The following COL13A1 variants were observed in gnomAD, a reference collection of about 807,000 sequenced individuals.
The protein encoded by COL13A1 is collagen alpha-1(XIII) chain.
COL13A1 carries 89 observed loss-of-function variants against 130.9 expected under a neutral mutation model. That is an observed-to-expected ratio of 0.68 (90% confidence interval 0.57 to 0.81). COL13A1 has a LOEUF of 0.81. Ranked by LOEUF, COL13A1 falls within the 30% of genes least tolerant of loss-of-function variation. The probability of loss-of-function intolerance (pLI) is 0.00; values close to 1 mark genes in which losing one functional copy is unlikely to be tolerated. For synonymous variants in COL13A1, 402 were observed against 341.6 expected, an observed-to-expected ratio of 1.18 and a Z score of -1.95; for missense variants, 879 against 934.6, an observed-to-expected ratio of 0.94 and a Z score of 0.78.
At chr10:69,931,921 C>G (rs2637230) in intron 30 of COL13A1, among the ~76,000 whole-genome samples, 82,966 of 151,988 alleles carry the variant, frequency 0.55, 22,745 homozygotes, top group Admixed American at 0.57. Flanking sequence ...TCTCAGCCAA[C>G]TGTATTCTCA....
At chr10:69,859,900 T>C (rs1033758576) in intron 2 of COL13A1, among the ~76,000 whole-genome samples, 2 of 152,236 alleles carry the variant, frequency 1.3e-5, no homozygotes, top group African/African-American at 4.8e-5. Context: ...CTTTCAGGGC[T>C]GTTTTGTGGC....
rs757510353 is a variant in COL13A1, at chr10:69,952,871, A to G, written c.2059-11A>G. The G allele has an allele frequency of 6.5e-7, 1 of 1,543,234 alleles. No individual in the cohort carries two copies. Among genetic ancestry groups the G allele is most frequent in the South Asian group, 1.3e-5 (1 of 79,170 alleles). On this transcript the variant is annotated splice_polypyrimidine_tract_variant and intron_variant, in intron 38 of 40. Coordinates refer to ENST00000645393, the MANE Select transcript of COL13A1 (RefSeq NM_001368882.1). ...TGATGTTTTTTTCTCGGACTAAACC[A>G]TTATTTACAGGGGGAGAGGGGGAAG...
intron 7 of COL13A1, 69 bp downstream of exon 7, chr10:69,880,622 T>G: frequency 6.5e-7 from 1 of 1,526,734 alleles, no homozygotes; most frequent in Non-Finnish European, 9.0e-7. Context: ...GCTTTTAGGC[T>G]GGGGATGAGG....
chr10:69,836,975 C>T (rs1029812931), intron 2 of COL13A1, among the ~76,000 whole-genome samples: 3 of 129,316 alleles, frequency 2.3e-5, no homozygotes, highest in Non-Finnish European at 5.0e-5. Context: ...GAGGGTGGGG[C>T]GGGTCCCAAC....
chr10:69,836,903 G>C (rs2133112060), intron 2 of COL13A1, among the ~76,000 whole-genome samples: 1 of 151,794 alleles, frequency 6.6e-6, no homozygotes, highest in East Asian at 2.0e-4. Context: ...GTGGATGCCA[G>C]CTTCCCATGT....
At chr10:69,841,081 T>G in intron 2 of COL13A1, among the ~76,000 whole-genome samples, 1 of 91,862 alleles carries the variant, frequency 1.1e-5, no homozygotes, top group Admixed American at 1.2e-4. Flanking sequence ...CCTGCCCCAC[T>G]TCCCTGGACT....
intron 27 of COL13A1, 40 bp downstream of exon 27, chr10:69,927,150 G>A (rs567626075): frequency 8.3e-5 from 70 of 841,200 alleles, no homozygotes; most frequent in Admixed American, 7.7e-4. Flanking sequence ...GGCACTGGAC[G>A]GGGGGGCTGG....
chr10:69,828,176 C>T (rs1227754), intron 2 of COL13A1, among the ~76,000 whole-genome samples: 1 of 152,160 alleles, frequency 6.6e-6, no homozygotes, highest in Non-Finnish European at 1.5e-5. Context: ...AAGAGATCCT[C>T]CTGTTCGATT....
intron 1 of COL13A1, among the ~76,000 whole-genome samples, chr10:69,810,329 C>T (rs556085042): frequency 7.9e-6 from 1 of 126,082 alleles, no homozygotes; most frequent in African/African-American, 2.9e-5. Context: ...TGCGGCTGGA[C>T]CTGGCAGGCC....
intron 13 of COL13A1, among the ~76,000 whole-genome samples, chr10:69,896,126 T>C (rs2061614722): frequency 6.6e-6 from 1 of 152,138 alleles, no homozygotes; most frequent in Non-Finnish European, 1.5e-5. Flanking sequence ...AATTCAAGGA[T>C]AAAATCTCTC....
intron 7 of COL13A1, among the ~76,000 whole-genome samples, chr10:69,884,915 A>C (rs560134165): frequency 6.6e-6 from 1 of 152,374 alleles, no homozygotes; most frequent in East Asian, 1.9e-4. Flanking sequence ...GCTTCATTTC[A>C]CAATAGGAAG....
chr10:69,854,154 G>A (rs1589086208), intron 2 of COL13A1, among the ~76,000 whole-genome samples: 1 of 152,178 alleles, frequency 6.6e-6, no homozygotes, highest in South Asian at 2.1e-4. Context: ...TGTGCAGCCC[G>A]GGCCTCAATC....
intron 32 of COL13A1, among the ~76,000 whole-genome samples, chr10:69,935,880 A>G (rs1285676430): frequency 1.3e-5 from 2 of 151,364 alleles, no homozygotes; most frequent in South Asian, 2.1e-4. Flanking sequence ...GCGTGGTGGC[A>G]CACATCTGTA....
At chr10:69,895,517 T>G in intron 12 of COL13A1, 33 bp from the exon 13 acceptor site, 1 of 1,613,824 alleles carries the variant, frequency 6.2e-7, no homozygotes, top group Non-Finnish European at 8.5e-7. Flanking sequence ...AACAAGTGCC[T>G]AACACCACCT....
At chr10:69,866,851 C>T (rs891450446) in intron 2 of COL13A1, among the ~76,000 whole-genome samples, 2 of 151,996 alleles carry the variant, frequency 1.3e-5, no homozygotes, top group South Asian at 2.1e-4. Flanking sequence ...CTTTATTGGC[C>T]GAGCATAAAA....
At chr10:69,803,813 G>C (rs1418974388) in intron 1 of COL13A1, among the ~76,000 whole-genome samples, 1 of 152,044 alleles carries the variant, frequency 6.6e-6, no homozygotes, top group African/African-American at 2.4e-5. Context: ...CTGAACATGC[G>C]AAACAGTGCT....
chr10:69,828,253 C>T (rs1476738508), intron 2 of COL13A1, among the ~76,000 whole-genome samples: 3 of 152,084 alleles, frequency 2.0e-5, no homozygotes, highest in Non-Finnish European at 4.4e-5. Context: ...CTTTCCCCTG[C>T]GATGTTAGCC....
In COL13A1 at chr10:69,945,839, G is replaced by A. The variant is rs180957518; in HGVS notation, c.2022+115G>A. 7,412 of 1,300,318 alleles carry A rather than the reference G, an allele frequency of 5.7e-3. 23 individuals carry two copies. The highest frequency in any genetic ancestry group is 6.4e-3 in the Non-Finnish European group (5,920 of 930,094). The allele number at this position is 1,300,318 out of a possible 1,614,324, so 80.5% of individuals were successfully genotyped here. On this transcript the variant is annotated intron_variant, in intron 37 of 40. Coordinates refer to ENST00000645393, the MANE Select transcript of COL13A1 (RefSeq NM_001368882.1). ...TGTAATCCCAGCACTTTGGGAGGCC[G>A]AGGCGGGCGCATCACGAGGTCAGGA...
rs778510690 is a variant in COL13A1, at chr10:69,945,735, T to C, written c.2022+11T>C. The C allele has an allele frequency of 6.2e-7, 1 of 1,610,048 alleles. No homozygotes were observed. Among genetic ancestry groups the C allele is most frequent in the Non-Finnish European group, 8.5e-7 (1 of 1,178,204 alleles). ...GCAGCTGGGCTTCCTGTGAGTCTCT[T>C]GGGATCAGAGGTTCCTCTCCTCCCA... On this transcript the variant is annotated intron_variant, in intron 37 of 40. Transcript: ENST00000645393.
Sources: allele counts gnomAD v4.1 joint callset (sites outside exome capture counted in the v4.1 genomes callset), GRCh38; gene constraint gnomAD v4.1.1; transcripts MANE v1.5; gene names NCBI Gene and HGNC (gene_info 2026-07-23, HGNC 2026-07-21).